RBFOX1: variants seen among roughly 807,000 people sequenced by gnomAD.
The protein encoded by RBFOX1 is RNA binding fox-1 homolog 1.
In RBFOX1, 8 loss-of-function variants were observed where a neutral mutation model predicts 57.7. The ratio of observed to expected loss-of-function variants is 0.14; its 90% CI spans 0.08 to 0.25. The LOEUF (loss-of-function observed/expected upper bound fraction) is 0.25. Ranked by LOEUF, RBFOX1 falls within the 10% of genes least tolerant of loss-of-function variation. RBFOX1 has a pLI of 1.00. For synonymous variants in RBFOX1, 326 were observed against 222.4 expected, an observed-to-expected ratio of 1.47 and a Z score of -4.15; for missense variants, 611 against 548.5, an observed-to-expected ratio of 1.11 and a Z score of -1.14.
At chr16:6,531,770 A>T (rs2096661276) in intron 2 of RBFOX1, among the ~76,000 whole-genome samples, 1 of 152,182 alleles carries the variant, frequency 6.6e-6, no homozygotes, top group South Asian at 2.1e-4. Context: ...CAAAGTAATT[A>T]TCCTTCGTGT....
chr16:7,096,372 C>T (rs1195336400), intron 4 of RBFOX1, among the ~76,000 whole-genome samples: 1 of 152,206 alleles, frequency 6.6e-6, no homozygotes, highest in Non-Finnish European at 1.5e-5. Flanking sequence ...CTCAATTTCT[C>T]GGACCTATTT....
intron 4 of RBFOX1, among the ~76,000 whole-genome samples, chr16:5,925,748 G>A (rs2058927399): frequency 6.6e-6 from 1 of 152,158 alleles, no homozygotes; most frequent in South Asian, 2.1e-4. Flanking sequence ...GTAAAACCAG[G>A]TTGTTTTTCT....
At chr16:6,653,681 A>T (rs2098619324) in intron 2 of RBFOX1, among the ~76,000 whole-genome samples, 1 of 149,100 alleles carries the variant, frequency 6.7e-6, no homozygotes, top group Non-Finnish European at 1.5e-5. Flanking sequence ...GGATGAATGG[A>T]GGGTAGATGA....
chr16:7,101,455 G>A (rs920822580), intron 4 of RBFOX1, among the ~76,000 whole-genome samples: 7 of 152,176 alleles, frequency 4.6e-5, no homozygotes, highest in Admixed American at 3.3e-4. Flanking sequence ...GAATGTATGC[G>A]TGAGATTAGA....
At chr16:5,553,380 A>G (rs924250562) in intron 2 of RBFOX1, among the ~76,000 whole-genome samples, 1 of 151,652 alleles carries the variant, frequency 6.6e-6, no homozygotes, top group African/African-American at 2.4e-5. Context: ...CAGTGGCACA[A>G]TCTCAGCTCA....
intron 1 of RBFOX1, among the ~76,000 whole-genome samples, chr16:6,298,496 C>T (rs1307504612): frequency 1.3e-5 from 2 of 152,182 alleles, no homozygotes; most frequent in Non-Finnish European, 2.9e-5. Context: ...TCACAATAAT[C>T]AGAGAGTGAC....
In RBFOX1 at chr16:7,076,124, C is replaced by T. The variant is rs1249866050; in HGVS notation, c.27+24026C>T. Reference sequence around the variant, plus strand: ...TGGCGCGATCTCGGCTCACTGCAACCTCTGCCTCCCGGGTTCAAGTGATTC... The same window carrying T: ...TGGCGCGATCTCGGCTCACTGCAACTTCTGCCTCCCGGGTTCAAGTGATTC... On this transcript the variant is annotated intron_variant, in intron 4 of 15. Coordinates refer to ENST00000550418, the MANE Select transcript of RBFOX1 (RefSeq NM_018723.4). Among the ~76,000 whole-genome samples, 5 of 151,812 alleles carry T rather than the reference C, an allele frequency of 3.3e-5. No homozygotes were observed. In the East Asian group the frequency reaches 5.8e-4, roughly 18 times the overall value.
chr16:7,202,662 C>A (rs374543534), intron 4 of RBFOX1, among the ~76,000 whole-genome samples: 10 of 152,182 alleles, frequency 6.6e-5, no homozygotes, highest in African/African-American at 2.4e-4. Flanking sequence ...AGAGCAGCCA[C>A]GGCATTAGGT....
chr16:6,696,018 C>T (rs974535020), intron 3 of RBFOX1, among the ~76,000 whole-genome samples: 4 of 152,186 alleles, frequency 2.6e-5, no homozygotes, highest in Admixed American at 1.3e-4. Context: ...AGCGTATCCA[C>T]TTAAACTGGC....
At chr16:5,392,364 A>G (rs928078407) in intron 1 of RBFOX1, among the ~76,000 whole-genome samples, 3 of 152,120 alleles carry the variant, frequency 2.0e-5, no homozygotes, top group Non-Finnish European at 4.4e-5. Flanking sequence ...TATTAACTTC[A>G]TCATCTGCAA....
At chr16:6,215,143 A>G in intron 1 of RBFOX1, among the ~76,000 whole-genome samples, 1 of 115,736 alleles carries the variant, frequency 8.6e-6, no homozygotes. Context: ...AGAAGAGAAG[A>G]AGGAGAGGGA....
intron 2 of RBFOX1, among the ~76,000 whole-genome samples, chr16:6,366,623 C>T (rs1400775972): frequency 6.6e-6 from 1 of 152,172 alleles, no homozygotes; most frequent in Non-Finnish European, 1.5e-5. Context: ...AACTACTTAC[C>T]ATGTGCCAGG....
chr16:5,734,950 C>A (rs1227345144), intron 3 of RBFOX1, among the ~76,000 whole-genome samples: 1 of 151,930 alleles, frequency 6.6e-6, no homozygotes, highest in Non-Finnish European at 1.5e-5. Context: ...AGTAGATGTG[C>A]AGATAAAGTT....
At chr16:7,055,139 C>A (rs544074183) in intron 4 of RBFOX1, among the ~76,000 whole-genome samples, 1 of 152,168 alleles carries the variant, frequency 6.6e-6, no homozygotes, top group East Asian at 1.9e-4. Context: ...AAAAGCTAAA[C>A]AGTTTTTATT....
intron 4 of RBFOX1, among the ~76,000 whole-genome samples, chr16:7,300,615 T>TG (rs2096008836): frequency 8.7e-5 from 5 of 57,690 alleles, no homozygotes; most frequent in Non-Finnish European, 1.5e-4. Context: ...TTATAGAAAG[T>TG]ATTTTTTTTA....
chr16:7,010,279 C>G (rs1218142025), intron 3 of RBFOX1, among the ~76,000 whole-genome samples: 1 of 152,206 alleles, frequency 6.6e-6, no homozygotes, highest in Admixed American at 6.5e-5. Flanking sequence ...CAAGAGAAAA[C>G]TGCTTTTCAT....
At chr16:5,996,765 G>T (rs919403731) in intron 4 of RBFOX1, among the ~76,000 whole-genome samples, 2 of 152,032 alleles carry the variant, frequency 1.3e-5, no homozygotes, top group Non-Finnish European at 2.9e-5. Context: ...GGAAATCTGG[G>T]GAATAAATAT....
chr16:6,242,155 T>C (rs1314413385), intron 1 of RBFOX1, among the ~76,000 whole-genome samples: 2 of 152,188 alleles, frequency 1.3e-5, no homozygotes, highest in Non-Finnish European at 2.9e-5. Flanking sequence ...GCATCTTTAT[T>C]TGTATATTTA....
chr16:6,390,772 A>G (rs574258588), intron 2 of RBFOX1, among the ~76,000 whole-genome samples: 13 of 152,206 alleles, frequency 8.5e-5, no homozygotes, highest in African/African-American at 3.1e-4. Flanking sequence ...GTTAGTTTTG[A>G]GCAGGTGGAT....
Sources: gnomAD v4.1 joint callset for allele counts (sites outside exome capture counted in the v4.1 genomes callset) on GRCh38, gnomAD v4.1.1 for gene constraint, MANE v1.5 for transcripts, NCBI Gene and HGNC (gene_info 2026-07-23, HGNC 2026-07-21) for gene names.